ITGB8: variants seen among roughly 807,000 people sequenced by gnomAD.
ITGB8 encodes integrin subunit beta 8.
In ITGB8, 30 loss-of-function variants were observed where a neutral mutation model predicts 89.5. That is an observed-to-expected ratio of 0.34 (90% CI 0.25 to 0.45). The LOEUF (loss-of-function observed/expected upper bound fraction) is 0.45, where lower values mean the gene tolerates loss of function less well. ITGB8 is among the 20% of genes least tolerant of loss of function. The probability of loss-of-function intolerance (pLI) is 1.00; values close to 1 mark genes in which losing one functional copy is unlikely to be tolerated. For missense variants in ITGB8, 836 were observed against 933.3 expected (o/e 0.90, Z 1.36); for synonymous variants, 335 against 320.4 (o/e 1.05, Z -0.49).
chr7:20,402,840 G>C (rs752474), intron 10 of ITGB8, among the ~76,000 whole-genome samples: 64,895 of 151,974 alleles, frequency 0.43, 14,476 homozygotes, highest in East Asian at 0.6. Flanking sequence ...TTAGATTCCA[G>C]AAAATCTAAT....
chr7:20,408,377 CAAAAAAA>C (rs3032573), intron 12 of ITGB8, among the ~76,000 whole-genome samples: 1 of 97,294 alleles, frequency 1.0e-5, no homozygotes, highest in African/African-American at 3.3e-5. Flanking sequence ...TACCTTATCA[CAAAAAAA>C]AAAAAAAAAA....
Position 20,413,683 on chromosome 7 carries a change from G to T in ITGB8, c.*3686G>T, listed in dbSNP as rs1787839816. ...GATCTTAAAGCTCATTTGAGTCTTT[G>T]CCCCTGAACAAAGACAGACCCATTA... On this transcript the variant is annotated 3_prime_UTR_variant, in exon 14 of 14. Transcript: ENST00000222573. 6.6e-6 allele frequency: 1 copy of T among 151,986 alleles called. No individual in the cohort carries two copies. The highest frequency in any genetic ancestry group is 2.1e-4 in the South Asian group (1 of 4,814). 9.4% of individuals were successfully genotyped at this position (151,986 alleles called of 1,614,324 possible). A position where few individuals can be genotyped will look rare whatever the true frequency, so the allele number is the denominator to read the frequency against.
chr7:20,373,058 C>T (rs1420880600), intron 3 of ITGB8, among the ~76,000 whole-genome samples: 3 of 152,060 alleles, frequency 2.0e-5, no homozygotes, highest in African/African-American at 7.2e-5. Context: ...GCATTGAGCT[C>T]TTAATATTAA....
rs3807944 is a variant in ITGB8 at position 20,373,412 on chromosome 7, T to A, written c.389-5639T>A. On this transcript the variant is annotated intron_variant, in intron 3 of 13. Coordinates refer to ENST00000222573, the MANE Select transcript of ITGB8 (RefSeq NM_002214.3). ...AGAGAAGGGAATTCTCTAATTCTAA[T>A]TCAGAAATAATACAATGTATATGAT... Among the ~76,000 whole-genome samples, 32 of 152,322 alleles carry A rather than the reference T, an allele frequency of 2.1e-4. No homozygotes were observed. The East Asian group carries it at 5.8e-3, about 28-fold the overall frequency.
intron 6 of ITGB8, 121 bp downstream of exon 6, chr7:20,382,006 A>T: frequency 1.3e-6 from 1 of 788,210 alleles, no homozygotes; most frequent in Non-Finnish European, 2.0e-6. Context: ...CAGAACAAGG[A>T]TAAGCCATGA....
chr7:20,409,973 T>G lies in ITGB8; in HGVS notation c.2286T>G (p.His762Gln), dbSNP rs751396072. Residue 762 changes from histidine to glutamine, a missense_variant, in exon 14 of 14, where the codon CAT (histidine) becomes CAG (glutamine). By Grantham distance (24) the His-to-Gln change is conservative (BLOSUM62 0). Transcript: ENST00000222573. ...TGGATATCAGCAAATTAAATGCTCATGAAACTTTCAGGTGCAACTTCTAAA... is the reference window on the plus strand; with the variant it reads ...TGGATATCAGCAAATTAAATGCTCAGGAAACTTTCAGGTGCAACTTCTAAA... ...IKMDISKLNA[H>Q]ETFRCNF 6.2e-6 allele frequency: 10 copies of G among 1,611,816 alleles called. No individual in the cohort carries two copies. The highest frequency in any genetic ancestry group is 8.5e-6 in the Non-Finnish European group (10 of 1,179,464).
intron 1 of ITGB8, among the ~76,000 whole-genome samples, chr7:20,337,937 A>C (rs1260578655): frequency 6.6e-6 from 1 of 152,200 alleles, no homozygotes; most frequent in East Asian, 1.9e-4. Flanking sequence ...GCCAAATCCT[A>C]GGTGAAGATG....
intron 3 of ITGB8, among the ~76,000 whole-genome samples, 189 bp from the exon 4 acceptor site, chr7:20,378,861 CA>C (rs1396262584): frequency 6.6e-6 from 1 of 152,048 alleles, no homozygotes; most frequent in Non-Finnish European, 1.5e-5. Flanking sequence ...GTATGGTTTT[CA>C]AATTGCCTTA....
chr7:20,411,476 G>A lies in ITGB8; in HGVS notation c.*1479G>A, dbSNP rs1787760503. 1 of 152,524 alleles carries A rather than the reference G, an allele frequency of 6.6e-6. No individual in the cohort carries two copies. The highest frequency in any genetic ancestry group is 1.5e-5 in the Non-Finnish European group (1 of 68,032). 9.4% of individuals were successfully genotyped at this position (152,524 alleles called of 1,614,324 possible). ...GGCTGCTAATTCTCCTTTTTAGTGA[G>A]TTAGGGAACTGAGCCTCAGAAAACT... On this transcript the variant is annotated 3_prime_UTR_variant, in exon 14 of 14. Coordinates refer to ENST00000222573, the MANE Select transcript of ITGB8 (RefSeq NM_002214.3).
At chr7:20,398,413 T>C (rs1026231607) in intron 8 of ITGB8, among the ~76,000 whole-genome samples, 13 of 152,186 alleles carry the variant, frequency 8.5e-5, no homozygotes, top group Admixed American at 1.3e-4. Context: ...CTCAATTGTT[T>C]GAAACAAAAA....
At chr7:20,377,072 G>A (rs374654779) in intron 3 of ITGB8, among the ~76,000 whole-genome samples, 1 of 152,142 alleles carries the variant, frequency 6.6e-6, no homozygotes, top group Admixed American at 6.5e-5. Flanking sequence ...CTAGCATTTG[G>A]TTGGAGGGCC....
At chr7:20,335,367 A>G (rs552634424) in intron 1 of ITGB8, among the ~76,000 whole-genome samples, 1 of 152,350 alleles carries the variant, frequency 6.6e-6, no homozygotes, top group African/African-American at 2.4e-5. Flanking sequence ...TTTTATTTTG[A>G]AAGTATGGAT....
At chr7:20,409,122 G>A (rs1415299652) in intron 12 of ITGB8, among the ~76,000 whole-genome samples, 2 of 152,282 alleles carry the variant, frequency 1.3e-5, no homozygotes, top group East Asian at 3.9e-4. Context: ...TTCTGCAGAT[G>A]TTTACTTTAT....
chr7:20,351,383 A>G (rs1785107357), intron 1 of ITGB8, among the ~76,000 whole-genome samples: 1 of 152,218 alleles, frequency 6.6e-6, no homozygotes, highest in African/African-American at 2.4e-5. Context: ...TTTAGGTGAG[A>G]CTTAGCCTCC....
At chr7:20,360,232 A>T (rs902539477) in intron 1 of ITGB8, among the ~76,000 whole-genome samples, 1 of 152,150 alleles carries the variant, frequency 6.6e-6, no homozygotes, top group East Asian at 1.9e-4. Context: ...TAGGAGCCTT[A>T]TCTGAGCTTG....
chr7:20,406,274 G>C, intron 12 of ITGB8, 103 bp downstream of exon 12: 1 of 762,374 alleles, frequency 1.3e-6, no homozygotes. Flanking sequence ...GACTGGGCCG[G>C]GTGTGGTGGC....
chr7:20,402,115 A>G lies in ITGB8; in HGVS notation c.1676A>G (p.Asn559Ser), dbSNP rs1376099758. ...TTTTCTTGTCCATATCACCATGGAAATCTGTGTGCTGGTGAGTATAAATAT... is the reference window on the plus strand; with the variant it reads ...TTTTCTTGTCCATATCACCATGGAAGTCTGTGTGCTGGTGAGTATAAATAT... ...DDFSCPYHHGNLCAGHGECEA... is the reference protein window; with the variant it reads ...DDFSCPYHHGSLCAGHGECEA... The change falls in exon 10 of 14, where the codon AAT (asparagine) becomes AGT (serine). Residue 559 changes from asparagine (N) to serine (S), a missense_variant. By Grantham distance (46) the Asn-to-Ser change is conservative. Coordinates refer to ENST00000222573, the MANE Select transcript of ITGB8 (RefSeq NM_002214.3). 33 of 1,611,178 alleles carry G rather than the reference A, an allele frequency of 2.0e-5. No homozygotes were observed. Among genetic ancestry groups the G allele is most frequent in the Non-Finnish European group, 2.7e-5 (32 of 1,178,518 alleles).
chr7:20,409,808 C>A, intron 13 of ITGB8, 30 bp downstream of exon 13: 5 of 1,610,922 alleles, frequency 3.1e-6, no homozygotes, highest in Non-Finnish European at 4.2e-6. Context: ...GAACTGCTAA[C>A]AGTATGTTAT....
At chr7:20,376,334 C>T (rs977913783) in intron 3 of ITGB8, among the ~76,000 whole-genome samples, 19 of 152,158 alleles carry the variant, frequency 1.2e-4, no homozygotes, top group African/African-American at 4.6e-4. Context: ...TCCAGGGTCA[C>T]TCTAAGCCCA....
Sources: allele counts gnomAD v4.1 joint callset (sites outside exome capture counted in the v4.1 genomes callset), GRCh38; gene constraint gnomAD v4.1.1; transcripts MANE v1.5; gene names NCBI Gene and HGNC (gene_info 2026-07-23, HGNC 2026-07-21).